Variants in RSRP1 observed in about 807,000 individuals in gnomAD.
RSRP1 encodes the protein arginine/serine-rich protein 1.
A neutral mutation model predicts 33.0 loss-of-function variants in RSRP1; 37 were observed. The ratio of observed to expected loss-of-function variants is 1.12; its 90% CI spans 0.86 to 1.48. RSRP1 has a LOEUF of 1.48. Ranked by LOEUF, RSRP1 falls within the 40% of genes most tolerant of loss-of-function variation. The probability of loss-of-function intolerance (pLI) is 0.00; values close to 1 mark genes in which losing one functional copy is unlikely to be tolerated. For missense variants in RSRP1, 402 were observed against 385.3 expected (o/e 1.04, Z -0.36); for synonymous variants, 167 against 158.7 (o/e 1.05, Z -0.40).
rs377008039 is a variant in RSRP1 at position 25,281,789 on chromosome 1, A to G, written c.-66-34760T>C. The stretch of plus-strand genomic sequence containing the variant: ...CCCACGCCCCAAATCCCCAGGTCCC[A>G]TGGAGGTCCTTGGGGGCCTCCTATA... On this transcript the variant is annotated intron_variant, in intron 1 of 1. Coordinates refer to the RSRP1 transcript ENST00000561867. Among the ~76,000 whole-genome samples, 21 of 132,478 alleles carry G rather than the reference A, an allele frequency of 1.6e-4. 5 individuals are homozygous for G. The highest frequency in any genetic ancestry group is 9.8e-4 in the East Asian group (5 of 5,128). 86.9% of individuals were successfully genotyped at this position (132,478 alleles called of 152,430 possible).
chr1:25,329,029 A>G (rs749521782), intron 1 of RSRP1: 1 of 1,378,310 alleles, frequency 7.3e-7, no homozygotes, highest in East Asian at 2.2e-5. Context: ...CAAAGTCTCC[A>G]ATGTTCGCGC....
intron 1 of RSRP1, among the ~76,000 whole-genome samples, chr1:25,297,654 A>G (rs1404305853): frequency 7.6e-6 from 1 of 132,046 alleles, no homozygotes; most frequent in Admixed American, 7.4e-5. Flanking sequence ...TATTTATATC[A>G]CCATGGGCTC....
At chr1:25,277,756 C>A (rs1265136403) in intron 1 of RSRP1, among the ~76,000 whole-genome samples, 3 of 120,746 alleles carry the variant, frequency 2.5e-5, no homozygotes, top group East Asian at 2.0e-4. Flanking sequence ...CTCACCGCAA[C>A]CTCCACCTCC....
In RSRP1 at chr1:25,304,889, C is replaced by T. The variant is rs538006013; in HGVS notation, c.-67+33089G>A. ...AGTTATCATCAGTCTCAGCGCCCAT[C>T]GCATTCCCTGAGCTTGTTTCCTTGA... On this transcript the variant is annotated intron_variant, in intron 1 of 1. Coordinates refer to the RSRP1 transcript ENST00000561867. The T allele has an allele frequency of 7.6e-5, 10 of 131,948 alleles. 3 individuals carry two copies. The highest frequency in any genetic ancestry group is 2.1e-4 in the African/African-American group (8 of 38,300). The allele number at this position is 131,948 out of a possible 1,614,324, so 8.2% of individuals were successfully genotyped here.
At chr1:25,312,942 A>AC (rs2124050404) in intron 1 of RSRP1, among the ~76,000 whole-genome samples, 1 of 109,980 alleles carries the variant, frequency 9.1e-6, no homozygotes, top group African/African-American at 2.9e-5. Flanking sequence ...AAAAAAAAAA[A>AC]AAAAAAAAAA....
At chr1:25,284,721 C>T (rs1641810929) in intron 1 of RSRP1, 4 of 1,388,646 alleles carry the variant, frequency 2.9e-6, no homozygotes, top group Admixed American at 1.8e-5. Context: ...GCTTCCTGAG[C>T]CAGTTCCCTT....
At chr1:25,289,216 A>T (rs1416071586) in intron 1 of RSRP1, among the ~76,000 whole-genome samples, 1 of 132,340 alleles carries the variant, frequency 7.6e-6, no homozygotes, top group Non-Finnish European at 1.8e-5. Context: ...TGTGTGTGTG[A>T]GGCAGTCTTA....
intron 1 of RSRP1, chr1:25,266,255 T>C (rs1262052078): frequency 7.6e-6 from 1 of 131,572 alleles, no homozygotes; most frequent in Admixed American, 7.4e-5. Context: ...TTGACAATCA[T>C]GTTAAGGCCA....
At chr1:25,248,387 C>T (rs954023840), upstream of RSRP1, 7 of 144,424 alleles carry the variant, frequency 4.8e-5, no homozygotes, top group African/African-American at 1.8e-4. Context: ...GGGTCTCACT[C>T]GCCCAGGCTG....
chr1:25,329,506 G>A, intron 1 of RSRP1: 1 of 206,290 alleles, frequency 4.8e-6, no homozygotes, highest in South Asian at 4.5e-5. Flanking sequence ...GCCTCCCAAA[G>A]TGCTGGAACC....
chr1:25,249,307 C>T (rs118177538), upstream of RSRP1, among the ~76,000 whole-genome samples: 101 of 152,162 alleles, frequency 6.6e-4, 2 homozygotes, highest in East Asian at 0.017. Context: ...AAGTATCAGT[C>T]AATGTGTGCC....
In RSRP1 at chr1:25,289,233, TG is replaced by T. The variant is rs1227045315; in HGVS notation, c.-66-42205del. The stretch of plus-strand genomic sequence containing the variant: ...TGTGTGTGAGGCAGTCTTACTCTGT[TG>T]CCCAGGCTGGAGTGCAGTGGTGCAG... On this transcript the variant is annotated intron_variant, in intron 1 of 1. Coordinates refer to the RSRP1 transcript ENST00000561867. Among the ~76,000 whole-genome samples the T allele has an allele frequency of 3.0e-5, 4 of 132,562 alleles. 1 individual carries two copies. Among genetic ancestry groups the T allele is most frequent in the African/African-American group, 1.0e-4 (4 of 38,806 alleles). The allele number at this position is 132,562 out of a possible 152,430, so 87.0% of individuals were successfully genotyped here.
chr1:25,284,817 A>T, intron 1 of RSRP1: 2 of 1,329,492 alleles, frequency 1.5e-6, no homozygotes, highest in South Asian at 2.4e-5. Flanking sequence ...CCCCGAAAGG[A>T]CAGGTTCCAG....
Position 25,299,104 on chromosome 1 carries a change from G to A in RSRP1, c.-67+38874C>T, listed in dbSNP as rs1490875765. On this transcript the variant is annotated intron_variant, in intron 1 of 1. Transcript: ENST00000561867. ...AAAAAAAAAAAAAAAAAAACAGGCT[G>A]GGAGCAGTGGCTCATGCCTGTAATC... Among the ~76,000 whole-genome samples, 9 of 125,416 alleles carry A rather than the reference G, an allele frequency of 7.2e-5. 1 individual carries two copies. The highest frequency in any genetic ancestry group is 2.5e-4 in the African/African-American group (9 of 36,570). 82.3% of individuals were successfully genotyped at this position (125,416 alleles called of 152,430 possible).
chr1:25,251,291 G>A (rs1639770243), upstream of RSRP1, among the ~76,000 whole-genome samples: 1 of 152,060 alleles, frequency 6.6e-6, no homozygotes, highest in South Asian at 2.1e-4. Context: ...AATTTAGGTT[G>A]TTTTAAGCCA....
chr1:25,336,498 T>C (rs1645077114), intron 1 of RSRP1: 1 of 146,922 alleles, frequency 6.8e-6, no homozygotes, highest in East Asian at 1.9e-4. Context: ...CCCAAAAAGG[T>C]AAAGAATGAC....
At position 25,246,561 on chromosome 1, in the gene RSRP1, G is replaced by A. The variant is rs146236511; in HGVS notation, c.403C>T (p.Arg135Trp). ...CCAAAGCCGTAGTAGCGCTGTCCCC[G>A]CGCGATCGCGTACGCCCTTCCGCAG... ...SYCGRAYAIARGQRYYGFGRT... is the reference protein window; with the variant it reads ...SYCGRAYAIAWGQRYYGFGRT... The change falls in exon 2 of 5, where the codon CGG becomes TGG. Residue 135 changes from arginine (R) to tryptophan (W), a missense_variant. Arg to Trp is a moderately radical substitution (Grantham distance 101). Transcript: ENST00000243189. The A allele has an allele frequency of 6.2e-7, 1 of 1,614,096 alleles. No homozygotes were observed.
At chr1:25,291,828 G>T (rs1464659473) in intron 1 of RSRP1, among the ~76,000 whole-genome samples, 1 of 132,604 alleles carries the variant, frequency 7.5e-6, no homozygotes, top group Admixed American at 7.3e-5. Context: ...CAGATCCTCT[G>T]CTGTAACCCT....
chr1:25,268,613 C>G (rs143624612), intron 1 of RSRP1, among the ~76,000 whole-genome samples: 1,665 of 130,324 alleles, frequency 0.013, 250 homozygotes, highest in African/African-American at 0.039. Flanking sequence ...GAACCCTTGT[C>G]AAGGGGAGAA....
Sources: gnomAD v4.1 joint callset for allele counts (sites outside exome capture counted in the v4.1 genomes callset) on GRCh38, gnomAD v4.1.1 for gene constraint, MANE v1.5 for transcripts, NCBI Gene and HGNC (gene_info 2026-07-23, HGNC 2026-07-21) for gene names.